The following PTPRJ variants were observed in gnomAD, a reference collection of about 807,000 sequenced individuals.
PTPRJ encodes the protein protein tyrosine phosphatase receptor type J.
Under a neutral mutation model 141.3 loss-of-function variants are expected in PTPRJ, and 129 were observed. That is an observed-to-expected ratio of 0.91 (90% CI 0.79 to 1.06). The LOEUF is 1.06. Among genes scored for constraint, PTPRJ ranks in the 50% least tolerant of loss-of-function variants. The probability of loss-of-function intolerance (pLI) is 0.00; values close to 1 mark genes in which losing one functional copy is unlikely to be tolerated. For synonymous variants in PTPRJ, 610 were observed against 640.5 expected, an observed-to-expected ratio of 0.95 and a Z score of 0.72; for missense variants, 1,601 against 1,679.7, an observed-to-expected ratio of 0.95 and a Z score of 0.82.
chr11:48,037,547 C>T (rs1342736277), intron 1 of PTPRJ, among the ~76,000 whole-genome samples: 2 of 152,168 alleles, frequency 1.3e-5, no homozygotes, highest in Non-Finnish European at 2.9e-5. Context: ...CGCGGTGGCT[C>T]ACGCTTGTAA....
chr11:48,091,816 C>G (rs1289259515), intron 1 of PTPRJ, among the ~76,000 whole-genome samples: 1 of 152,164 alleles, frequency 6.6e-6, no homozygotes, highest in East Asian at 1.9e-4. Context: ...ATGGTGTCCC[C>G]TCCCCAACCA....
At chr11:47,988,347 T>C (rs1339256794) in intron 1 of PTPRJ, among the ~76,000 whole-genome samples, 1 of 134,872 alleles carries the variant, frequency 7.4e-6, no homozygotes, top group Non-Finnish European at 1.5e-5. Flanking sequence ...AATTTTATTG[T>C]TTTTTTTTTG....
intron 1 of PTPRJ, among the ~76,000 whole-genome samples, chr11:48,101,734 T>C (rs751977109): frequency 6.6e-6 from 1 of 152,182 alleles, no homozygotes; most frequent in Non-Finnish European, 1.5e-5. Flanking sequence ...CTGTTAGCTG[T>C]TTTTATCCGT....
chr11:48,062,195 G>A (rs899595234), intron 1 of PTPRJ, among the ~76,000 whole-genome samples: 5 of 150,576 alleles, frequency 3.3e-5, no homozygotes, highest in African/African-American at 9.7e-5. Context: ...TACCATGCCC[G>A]GCCAAACTTC....
intron 1 of PTPRJ, among the ~76,000 whole-genome samples, chr11:48,106,295 C>G (rs928428605): frequency 1.3e-5 from 2 of 152,154 alleles, no homozygotes; most frequent in Admixed American, 1.3e-4. Flanking sequence ...TAGATACAAC[C>G]CTGTTCTGGT....
chr11:48,023,393 A>C (rs1016334419), intron 1 of PTPRJ, among the ~76,000 whole-genome samples: 7 of 152,158 alleles, frequency 4.6e-5, no homozygotes, highest in African/African-American at 1.7e-4. Context: ...AGAGATGAGG[A>C]GCTGCCTTGC....
chr11:48,088,171 C>G (rs1855766748), intron 1 of PTPRJ, among the ~76,000 whole-genome samples: 1 of 152,206 alleles, frequency 6.6e-6, no homozygotes, highest in African/African-American at 2.4e-5. Flanking sequence ...TCACTCTTCC[C>G]TTTCTTGAGA....
chr11:48,144,549 C>G, intron 12 of PTPRJ, 126 bp from the exon 13 acceptor site: 1 of 747,280 alleles, frequency 1.3e-6, no homozygotes, highest in African/African-American at 1.8e-5. Context: ...AAACCTGGCA[C>G]AGAGAGATAC....
intron 2 of PTPRJ, among the ~76,000 whole-genome samples, chr11:48,111,870 T>C (rs1484367091): frequency 2.6e-5 from 4 of 152,036 alleles, no homozygotes; most frequent in Non-Finnish European, 4.4e-5. Context: ...TCATAACAGC[T>C]GGGGAGGAGG....
At position 48,167,436 on chromosome 11, in the gene PTPRJ, CATGTTTTTATAT is replaced by C; in HGVS notation, c.*75_*86del. Reference sequence around the variant, plus strand: ...GCGAAGGCACATGCCCCGATGTCGACATGTTTTTATATGTCTAATATCTTAATTCTTTGTTCT... The same window carrying C: ...GCGAAGGCACATGCCCCGATGTCGACGTCTAATATCTTAATTCTTTGTTCT... On this transcript the variant is annotated 3_prime_UTR_variant, in exon 25 of 25. Transcript: ENST00000418331. 6.8e-7 allele frequency: 1 copy of C among 1,475,740 alleles called. No homozygotes were observed. The highest frequency in any genetic ancestry group is 9.3e-7 in the Non-Finnish European group (1 of 1,078,410). 91.4% of individuals were successfully genotyped at this position (1,475,740 alleles called of 1,614,324 possible).
chr11:48,071,762 C>A (rs1855263008), intron 1 of PTPRJ, among the ~76,000 whole-genome samples: 1 of 149,248 alleles, frequency 6.7e-6, no homozygotes, highest in Non-Finnish European at 1.5e-5. Flanking sequence ...ATGCATCACG[C>A]CCAGCTAATT....
At chr11:48,050,846 A>C (rs1854547138) in intron 1 of PTPRJ, among the ~76,000 whole-genome samples, 2 of 152,102 alleles carry the variant, frequency 1.3e-5, no homozygotes, top group South Asian at 4.1e-4. Context: ...TTTCAGCAAC[A>C]CATGTCTGAG....
At chr11:48,053,994 A>G (rs1265311926) in intron 1 of PTPRJ, among the ~76,000 whole-genome samples, 1 of 134,756 alleles carries the variant, frequency 7.4e-6, no homozygotes, top group Non-Finnish European at 1.5e-5. Flanking sequence ...GTGCAGTGGC[A>G]TGATCTCAGC....
chr11:48,039,864 C>A (rs1015223837), intron 1 of PTPRJ, among the ~76,000 whole-genome samples: 5 of 151,992 alleles, frequency 3.3e-5, no homozygotes, highest in Non-Finnish European at 5.9e-5. Context: ...TCTTGGCTCA[C>A]TGCAGCCTCC....
intron 1 of PTPRJ, among the ~76,000 whole-genome samples, chr11:47,982,557 T>C (rs937134013): frequency 6.6e-6 from 1 of 152,080 alleles, no homozygotes; most frequent in Non-Finnish European, 1.5e-5. Context: ...TGAAGATTTC[T>C]TGTATCAAAA....
intron 6 of PTPRJ, among the ~76,000 whole-genome samples, chr11:48,126,857 G>A (rs1856848784): frequency 6.6e-6 from 1 of 150,490 alleles, no homozygotes; most frequent in African/African-American, 2.5e-5. Context: ...AGAGCACCCT[G>A]CACTTTTCAA....
chr11:48,159,161 G>GTGTGTGTGTGTGTGTGTGTGTGTGTTTA (rs60389100), intron 21 of PTPRJ, among the ~76,000 whole-genome samples: 3 of 130,520 alleles, frequency 2.3e-5, no homozygotes, highest in Non-Finnish European at 4.8e-5. Flanking sequence ...GTGTGTGTGT[G>GTGTGTGTGTGTGTGTGTGTGTGTGTTTA]GTCATTTGCC....
Position 48,158,141 on chromosome 11 carries a change from G to T in PTPRJ, c.3439-1789G>T, listed in dbSNP as rs1430578738. ...CACTCCAGCCTAGGCAACAGAGCAA[G>T]ACTCTGTCTCAAAACAAAACAAAAC... On this transcript the variant is annotated intron_variant, in intron 21 of 24. Coordinates refer to ENST00000418331, the MANE Select transcript of PTPRJ (RefSeq NM_002843.4). This position sits in a 1 kb window ranked among gnomAD's most constrained non-coding sequence, Gnocchi z 4.4. 6.6e-6 allele frequency among the ~76,000 whole-genome samples: 1 copy of T among 152,166 alleles called. No individual in the cohort carries two copies. Among genetic ancestry groups the T allele is most frequent in the Non-Finnish European group, 1.5e-5 (1 of 68,028 alleles).
chr11:48,144,708 C>T lies in PTPRJ; in HGVS notation c.2609C>T (p.Thr870Met), dbSNP rs757192329. ...GHPSADVLKY[T>M]YEDFKKGASD... Reference sequence around the variant, plus strand: ...CCTTCTGCAGATGTCCTGAAATACACGTATGAGGATTTCAAAAAGGGAGCC... The same window carrying T: ...CCTTCTGCAGATGTCCTGAAATACATGTATGAGGATTTCAAAAAGGGAGCC... The change falls in exon 13 of 25, where the codon ACG becomes ATG. Residue 870 changes from threonine to methionine, a missense_variant. Transcript: ENST00000418331. 32 of 1,614,016 alleles carry T rather than the reference C, an allele frequency of 2.0e-5. No individual in the cohort carries two copies. Among genetic ancestry groups the T allele is most frequent in the African/African-American group, 2.7e-5 (2 of 75,038 alleles).
Sources: gnomAD v4.1 joint callset for allele counts (sites outside exome capture counted in the v4.1 genomes callset) on GRCh38, gnomAD v4.1.1 for gene constraint, Gnocchi (gnomAD v3.1) non-coding constraint, MANE v1.5 for transcripts, NCBI Gene and HGNC (gene_info 2026-07-23, HGNC 2026-07-21) for gene names.